Variants in PIGN observed in about 807,000 individuals in gnomAD.
PIGN encodes GPI ethanolamine phosphate transferase 1.
Under a neutral mutation model 125.4 loss-of-function variants are expected in PIGN, and 117 were observed. That is an observed-to-expected ratio of 0.93 (90% CI 0.80 to 1.09). The LOEUF (loss-of-function observed/expected upper bound fraction) is 1.09. Among genes scored for constraint, PIGN ranks in the 50% least tolerant of loss-of-function variants. The pLI, the probability that PIGN is intolerant of heterozygous loss-of-function variation, is 0.00. For synonymous variants in PIGN, 392 were observed against 377.8 expected (o/e 1.04, Z -0.44); for missense variants, 1,075 against 1,094.9 (o/e 0.98, Z 0.26).
chr18:62,168,850 C>T (rs2037247513), intron 1 of PIGN, among the ~76,000 whole-genome samples: 1 of 134,018 alleles, frequency 7.5e-6, no homozygotes, highest in Non-Finnish European at 1.6e-5. Context: ...TAGACAACCA[C>T]TAATTTTTTT....
intron 25 of PIGN, 68 bp from the exon 26 acceptor site, chr18:62,085,332 G>T (rs1032665362): frequency 1.9e-6 from 2 of 1,050,668 alleles, no homozygotes; most frequent in Admixed American, 2.2e-5. Flanking sequence ...ATTTAGAAAA[G>T]ATATGCTAAT....
rs1404505457 is a variant in PIGN, at chr18:62,043,074, A to G, written c.*2782T>C. 6.6e-6 allele frequency: 1 copy of G among 152,214 alleles called. No homozygotes were observed. The highest frequency in any genetic ancestry group is 2.4e-5 in the African/African-American group (1 of 41,460). The allele number at this position is 152,214 out of a possible 1,614,324, so 9.4% of individuals were successfully genotyped here. On this transcript the variant is annotated 3_prime_UTR_variant, in exon 31 of 31. Transcript: ENST00000640252. Reference sequence around the variant, plus strand: ...GGGGAATGTCAACATAAAAAAGAACAACTACGAAAAGGTGAGAAATGATCA... The same window carrying G: ...GGGGAATGTCAACATAAAAAAGAACGACTACGAAAAGGTGAGAAATGATCA...
intron 1 of PIGN, among the ~76,000 whole-genome samples, chr18:62,173,440 C>T (rs28537297): frequency 6.6e-6 from 1 of 151,832 alleles, no homozygotes; most frequent in African/African-American, 2.4e-5. Flanking sequence ...CTGTGTCACC[C>T]AGGCTGGTCT....
At chr18:62,158,295 G>C (rs1201384628) in intron 4 of PIGN, among the ~76,000 whole-genome samples, 1 of 152,142 alleles carries the variant, frequency 6.6e-6, no homozygotes, top group East Asian at 1.9e-4. Context: ...AGGTGGCAGA[G>C]GGGCCAGGAG....
chr18:62,105,611 GA>G lies in PIGN; in HGVS notation c.1790del (p.Phe597SerfsTer11), dbSNP rs1599531710. Reference sequence around the variant, plus strand: ...GGAACACTGCCAGGAGCAAAGAGAAGAAAGTCCAACTCAGTGAGGTCATCTA... The same window carrying G: ...GGAACACTGCCAGGAGCAAAGAGAAGAAGTCCAACTCAGTGAGGTCATCTA... Reference protein sequence around the residue: ...RAKMTSLSWTFFSLLLAVFPL... With the variant: ...RAKMTSLSWTXFSLLLAVFPL... On this transcript the variant is annotated frameshift_variant, in exon 20 of 31. Coordinates refer to ENST00000640252, the MANE Select transcript of PIGN (RefSeq NM_176787.5). LOFTEE classifies it high-confidence loss of function. The G allele has an allele frequency of 1.3e-6, 2 of 1,552,910 alleles. No individual in the cohort carries two copies. Among genetic ancestry groups the G allele is most frequent in the Non-Finnish European group, 1.7e-6 (2 of 1,147,616 alleles).
chr18:62,039,697 C>T (rs578207467), downstream of PIGN, among the ~76,000 whole-genome samples: 141 of 107,880 alleles, frequency 1.3e-3, no homozygotes, highest in African/African-American at 3.8e-3. Flanking sequence ...GTGCCGCACC[C>T]CATGTTTAGG....
At chr18:62,060,838 T>C (rs1187459352) in intron 30 of PIGN, among the ~76,000 whole-genome samples, 3 of 152,220 alleles carry the variant, frequency 2.0e-5, no homozygotes, top group Non-Finnish European at 4.4e-5. Context: ...AAGGAATTTT[T>C]TTCTCTAGTT....
At chr18:62,035,408 T>C (rs1045337924) in intron 23 of PIGN, among the ~76,000 whole-genome samples, 20 of 152,312 alleles carry the variant, frequency 1.3e-4, no homozygotes, top group Admixed American at 1.3e-3. Context: ...GAACAAAACA[T>C]TGTAACTCAA....
intron 14 of PIGN, among the ~76,000 whole-genome samples, chr18:62,117,645 A>C (rs1468215775): frequency 6.6e-6 from 1 of 152,042 alleles, no homozygotes; most frequent in Non-Finnish European, 1.5e-5. Flanking sequence ...TATTCTTTTC[A>C]GCATGTTTGA....
chr18:62,150,143 G>A (rs1030471916), intron 7 of PIGN, among the ~76,000 whole-genome samples: 1 of 151,970 alleles, frequency 6.6e-6, no homozygotes, highest in South Asian at 2.1e-4. Flanking sequence ...CACCATGCTC[G>A]GCTAATTTTT....
At chr18:62,167,388 T>C (rs2147754703) in intron 1 of PIGN, among the ~76,000 whole-genome samples, 1 of 140,906 alleles carries the variant, frequency 7.1e-6, no homozygotes, top group African/African-American at 2.5e-5. Context: ...TCCCAGCATT[T>C]TGGGAGGCCG....
chr18:62,173,713 T>C (rs1017282213), intron 1 of PIGN, among the ~76,000 whole-genome samples: 2 of 152,322 alleles, frequency 1.3e-5, no homozygotes, highest in Admixed American at 6.5e-5. Flanking sequence ...AGCCCAACAC[T>C]TGGCACTCAG....
At chr18:62,022,398 C>T (rs2030063371) in intron 23 of PIGN, among the ~76,000 whole-genome samples, 2 of 152,168 alleles carry the variant, frequency 1.3e-5, no homozygotes, top group East Asian at 3.8e-4. Context: ...ACAGACAATA[C>T]TAGTAAAAGC....
At chr18:62,186,643 A>C (rs1207065974) in intron 1 of PIGN, among the ~76,000 whole-genome samples, 1 of 152,218 alleles carries the variant, frequency 6.6e-6, no homozygotes. Context: ...CGAGTGTGCA[A>C]GCATGTGGCA....
chr18:62,055,762 T>C (rs1283633983), intron 30 of PIGN, among the ~76,000 whole-genome samples: 1 of 151,854 alleles, frequency 6.6e-6, no homozygotes, highest in Non-Finnish European at 1.5e-5. Flanking sequence ...TCACAGGCTG[T>C]ACAAAATCAA....
Position 62,157,179 on chromosome 18 carries a change from T to C in PIGN, c.392A>G (p.Lys131Arg), listed in dbSNP as rs1421589464. Residue 131 changes from lysine to arginine, a missense_variant, in exon 6 of 31, where the codon AAA becomes AGA. Coordinates refer to ENST00000640252, the MANE Select transcript of PIGN (RefSeq NM_176787.5). ...VEFDSLFNESKYTWSWGSPDI... is the reference protein window; with the variant it reads ...VEFDSLFNESRYTWSWGSPDI... ...TGGGCTTCCCCAGCTCCATGTGTATTTACTTTCATTAAAAAGAGAATCAAA... is the reference window on the plus strand; with the variant it reads ...TGGGCTTCCCCAGCTCCATGTGTATCTACTTTCATTAAAAAGAGAATCAAA... 5.6e-6 allele frequency: 9 copies of C among 1,610,094 alleles called. No homozygotes were observed. Among genetic ancestry groups the C allele is most frequent in the Non-Finnish European group, 7.6e-6 (9 of 1,177,512 alleles).
chr18:62,162,689 C>T (rs781112991), intron 2 of PIGN, among the ~76,000 whole-genome samples: 56 of 152,070 alleles, frequency 3.7e-4, no homozygotes, highest in Non-Finnish European at 2.9e-4. Context: ...TAAGTAGATG[C>T]TATTTTGCAT....
chr18:62,138,287 A>T lies in PIGN; in HGVS notation c.1128T>A (p.Thr376=). 6.5e-7 allele frequency: 1 copy of T among 1,544,958 alleles called. No homozygotes were observed. The highest frequency in any genetic ancestry group is 8.7e-7 in the Non-Finnish European group (1 of 1,143,660). Residue 376 remains threonine, a synonymous_variant, in exon 14 of 31, where the codon ACT becomes ACA. Coordinates refer to ENST00000640252, the MANE Select transcript of PIGN (RefSeq NM_176787.5). ...ATGGTAAAGTAACTTCTTTCTTCTGAGTCATTTTCACCTGGGAACCAAGTA... is the reference window on the plus strand; with the variant it reads ...ATGGTAAAGTAACTTCTTTCTTCTGTGTCATTTTCACCTGGGAACCAAGTA... ...QILEQFKVKM[T]QKKEVTLPFL... is the part of the protein sequence containing the mutation.
intron 30 of PIGN, among the ~76,000 whole-genome samples, chr18:62,049,666 G>C (rs1176622157): frequency 6.7e-6 from 1 of 148,728 alleles, no homozygotes; most frequent in African/African-American, 2.4e-5. Context: ...TCACTCTGAT[G>C]GTAGTTTCTT....
Sources: gnomAD v4.1 joint callset for allele counts (sites outside exome capture counted in the v4.1 genomes callset) on GRCh38, gnomAD v4.1.1 for gene constraint, MANE v1.5 for transcripts, NCBI Gene and HGNC (gene_info 2026-07-23, HGNC 2026-07-21) for gene names.